KHDC1L: variants seen among roughly 807,000 people sequenced by gnomAD.
KHDC1L encodes the protein KHDC1-like protein.
A neutral mutation model predicts 11.2 loss-of-function variants in KHDC1L; 5 were observed. That is an observed-to-expected ratio of 0.45 (90% CI 0.23 to 0.94). KHDC1L has a LOEUF of 0.94. KHDC1L is among the 40% of genes least tolerant of loss of function. The pLI, the probability that KHDC1L is intolerant of heterozygous loss-of-function variation, is 0.22. For missense variants in KHDC1L, 168 were observed against 165.8 expected, an observed-to-expected ratio of 1.01 and a Z score of -0.07; for synonymous variants, 66 against 62.7, an observed-to-expected ratio of 1.05 and a Z score of -0.25.
At chr6:73,224,789 A>G (rs868669079) in intron 1 of KHDC1L, among the ~76,000 whole-genome samples, 1 of 145,536 alleles carries the variant, frequency 6.9e-6, no homozygotes, top group Non-Finnish European at 1.5e-5. Context: ...AAAAAAAAAA[A>G]AAAAACACGA....
rs1766349625 is a variant in KHDC1L, at chr6:73,225,440, A to T, written c.-32T>A. On this transcript the variant is annotated 5_prime_UTR_variant, in exon 1 of 3. Coordinates refer to ENST00000370388, the MANE Select transcript of KHDC1L (RefSeq NM_001126063.3). ...CTCCCACCTGATTCAGAATAGGGGA[A>T]AGTCTAACAAACTGGTTGGCAAAAG... 6.5e-7 allele frequency: 1 copy of T among 1,530,560 alleles called. No homozygotes were observed. The highest frequency in any genetic ancestry group is 1.7e-5 in the Admixed American group (1 of 59,254). 94.8% of individuals were successfully genotyped at this position (1,530,560 alleles called of 1,614,324 possible).
In KHDC1L at chr6:73,223,601, T is replaced by C. The variant is rs1750279957; in HGVS notation, c.*147A>G. ...GCTTTGCCAATAACACTTCTAACAC[T>C]CAGGAGACTTCCCTCAGACACATGC... On this transcript the variant is annotated 3_prime_UTR_variant, in exon 3 of 3. Coordinates refer to ENST00000370388, the MANE Select transcript of KHDC1L (RefSeq NM_001126063.3). The C allele has an allele frequency of 1.1e-5, 7 of 633,102 alleles. No homozygotes were observed. Among genetic ancestry groups the C allele is most frequent in the Non-Finnish European group, 2.0e-5 (7 of 356,080 alleles). The allele number at this position is 633,102 out of a possible 1,614,324, so 39.2% of individuals were successfully genotyped here.
rs111404541 is a variant in KHDC1L at position 73,224,336 on chromosome 6, G to C, written c.125C>G (p.Thr42Arg). 4.0e-4 allele frequency: 625 copies of C among 1,575,986 alleles called. 6 individuals carry two copies. The African/African-American group carries it at 7.4e-3, about 19-fold the overall frequency. Residue 42 changes from threonine (T) to arginine (R), a missense_variant, in exon 2 of 3, where the codon ACG (threonine) becomes AGG (arginine). Coordinates refer to ENST00000370388, the MANE Select transcript of KHDC1L (RefSeq NM_001126063.3). ...GTGCAGCTCAATGCAGCGAAGGTAC[G>C]TGTCATCAAGTCCTGTAAGCACAAG... ...QEELIFGLDDTYLRCIELHSH... is the reference protein window; with the variant it reads ...QEELIFGLDDRYLRCIELHSH...
chr6:73,223,778 G>T lies in KHDC1L; in HGVS notation c.357C>A (p.Ser119=). The change falls in exon 3 of 3, where the codon TCC becomes TCA. Residue 119 remains serine, a synonymous_variant. Coordinates refer to ENST00000370388, the MANE Select transcript of KHDC1L (RefSeq NM_001126063.3). The part of the protein sequence containing the change: ...QPLTNDDLVT[S]VSLPPYTGD ...CTCCGGTGTACGGTGGCAGGCTAAC[G>T]GAGGTGACCAGGTCATCATTGGTCA... 6.2e-7 allele frequency: 1 copy of T among 1,607,642 alleles called. No individual in the cohort carries two copies. The highest frequency in any genetic ancestry group is 1.1e-5 in the South Asian group (1 of 89,210).
rs1355679908 is a variant in KHDC1L at position 73,223,681 on chromosome 6, T to C, written c.*67A>G. On this transcript the variant is annotated 3_prime_UTR_variant, in exon 3 of 3. Coordinates refer to ENST00000370388, the MANE Select transcript of KHDC1L (RefSeq NM_001126063.3). ...CACAAATTCAAACTTTCTTCAGTGT[T>C]TTTCATGTCTTTCTCACCAAAAGCG... 2.9e-5 allele frequency: 39 copies of C among 1,354,488 alleles called. No individual in the cohort carries two copies. Among genetic ancestry groups the C allele is most frequent in the Middle Eastern group, 2.0e-4 (1 of 5,100 alleles). The allele number at this position is 1,354,488 out of a possible 1,614,324, so 83.9% of individuals were successfully genotyped here. A position where few individuals can be genotyped will look rare whatever the true frequency, so the allele number is the denominator to read the frequency against.
chr6:73,224,771 C>CAAAAAA (rs3044250), intron 1 of KHDC1L, among the ~76,000 whole-genome samples: 78 of 41,010 alleles, frequency 1.9e-3, no homozygotes, highest in Non-Finnish European at 2.6e-3. Context: ...GATTCCATAT[C>CAAAAAA]AAAAAAAAAA....
chr6:73,224,796 A>C, intron 1 of KHDC1L, among the ~76,000 whole-genome samples: 1 of 131,054 alleles, frequency 7.6e-6, no homozygotes. Flanking sequence ...AAAAAAAAAC[A>C]CGAGGCCGGG....
chr6:73,223,765 G>A lies in KHDC1L; in HGVS notation c.370C>T (p.Pro124Ser). The A allele has an allele frequency of 6.2e-7, 1 of 1,607,346 alleles. No individual in the cohort carries two copies. The change falls in exon 3 of 3, where the codon CCG becomes TCG. Residue 124 changes from proline (P) to serine (S), a missense_variant. Pro to Ser is a moderately conservative substitution (Grantham distance 74). Coordinates refer to ENST00000370388, the MANE Select transcript of KHDC1L (RefSeq NM_001126063.3). ...DDLVTSVSLP[P>S]YTGD ...AGGGGAGATCAGTCTCCGGTGTACG[G>A]TGGCAGGCTAACGGAGGTGACCAGG...
At chr6:73,224,996 T>C (rs1331119100) in intron 1 of KHDC1L, among the ~76,000 whole-genome samples, 1 of 145,616 alleles carries the variant, frequency 6.9e-6, no homozygotes, top group African/African-American at 2.6e-5. Context: ...GGTGAGAGAA[T>C]GGCGTGAACC....
Position 73,223,822 on chromosome 6 carries a change from G to A in KHDC1L, c.313C>T (p.Arg105Cys), listed in dbSNP as rs758616417. The A allele has an allele frequency of 1.6e-5, 26 of 1,600,562 alleles. No homozygotes were observed. In the South Asian group the frequency reaches 1.7e-4, roughly 10 times the overall value. ...CHARGLKMLE[R>C]VRSQPLTNDD... ...TTGGTCAGGGGCTGGCTTCGGACAC[G>A]CTCTAGCATCTTCAGACCTGCAAAA... is the stretch of plus-strand genomic sequence containing the variant. The change falls in exon 3 of 3, where the codon CGT (arginine) becomes TGT (cysteine). Residue 105 changes from arginine (R) to cysteine (C), a missense_variant. Coordinates refer to ENST00000370388, the MANE Select transcript of KHDC1L (RefSeq NM_001126063.3).
In KHDC1L at chr6:73,223,648, G is replaced by C; in HGVS notation, c.*100C>G. ...ATGCCTAGAAGGCCTGAGAGGGGCA[G>C]GTCTGGCCACAAATTCAAACTTTCT... On this transcript the variant is annotated 3_prime_UTR_variant, in exon 3 of 3. Transcript: ENST00000370388. 1.8e-5 allele frequency: 17 copies of C among 962,896 alleles called. 1 individual carries two copies. In the South Asian group the frequency reaches 2.6e-4, roughly 15 times the overall value. 59.6% of individuals were successfully genotyped at this position (962,896 alleles called of 1,614,324 possible). A position where few individuals can be genotyped will look rare whatever the true frequency, so the allele number is the denominator to read the frequency against.
chr6:73,224,330 A>T lies in KHDC1L; in HGVS notation c.131T>A (p.Leu44His). ...ELIFGLDDTY[L>H]RCIELHSHTL... ...GTGGCTGTGCAGCTCAATGCAGCGA[A>T]GGTACGTGTCATCAAGTCCTGTAAG... Residue 44 changes from leucine to histidine, a missense_variant, in exon 2 of 3, where the codon CTT becomes CAT. Transcript: ENST00000370388. 1 of 1,584,190 alleles carries T rather than the reference A, an allele frequency of 6.3e-7. No individual in the cohort carries two copies. The highest frequency in any genetic ancestry group is 8.6e-7 in the Non-Finnish European group (1 of 1,163,864).
chr6:73,224,605 T>C (rs1652812131), intron 1 of KHDC1L, among the ~76,000 whole-genome samples: 1 of 151,608 alleles, frequency 6.6e-6, no homozygotes, highest in South Asian at 2.1e-4. Flanking sequence ...TGAAACCCCG[T>C]CTCTACTAAA....
At chr6:73,225,254 T>TA in intron 1 of KHDC1L, 43 bp downstream of exon 1, 1 of 1,562,286 alleles carries the variant, frequency 6.4e-7, no homozygotes, top group South Asian at 1.2e-5. Flanking sequence ...AAAATAAAAA[T>TA]AAAAAACAGA....
chr6:73,223,827 A>G lies in KHDC1L; in HGVS notation c.308T>C (p.Leu103Pro), dbSNP rs1358706757. The G allele has an allele frequency of 6.3e-7, 1 of 1,596,404 alleles. No homozygotes were observed. Among genetic ancestry groups the G allele is most frequent in the Admixed American group, 1.8e-5 (1 of 57,128 alleles). Residue 103 changes from leucine to proline, a missense_variant, in exon 3 of 3, where the codon CTA becomes CCA. Leu to Pro is a moderately conservative substitution (Grantham distance 98, BLOSUM62 -3). Coordinates refer to ENST00000370388, the MANE Select transcript of KHDC1L (RefSeq NM_001126063.3). ...CAGGGGCTGGCTTCGGACACGCTCTAGCATCTTCAGACCTGCAAAAGAATT... is the reference window on the plus strand; with the variant it reads ...CAGGGGCTGGCTTCGGACACGCTCTGGCATCTTCAGACCTGCAAAAGAATT... ...SKCHARGLKM[L>P]ERVRSQPLTN...
rs774983372 is a variant in KHDC1L, at chr6:73,225,277, C to A, written c.112+20G>T. 6.9e-5 allele frequency: 111 copies of A among 1,606,942 alleles called. 1 individual carries two copies. In the East Asian group the frequency reaches 2.4e-3, roughly 35 times the overall value. ...AATAAAAAACAGATGAAGGAGGGGA[C>A]GTGGGCAAAGGCCACTCACCGAAGA... On this transcript the variant is annotated intron_variant, in intron 1 of 2. Transcript: ENST00000370388.
intron 1 of KHDC1L, 32 bp downstream of exon 1, chr6:73,225,265 T>C (rs368862849): frequency 1.6e-4 from 253 of 1,588,264 alleles, no homozygotes; most frequent in Non-Finnish European, 2.1e-4. Context: ...AAAAAACAGA[T>C]GAAGGAGGGG....
At chr6:73,224,642 G>C (rs772357597) in intron 1 of KHDC1L, among the ~76,000 whole-genome samples, 4 of 151,814 alleles carry the variant, frequency 2.6e-5, no homozygotes, top group African/African-American at 7.3e-5. Flanking sequence ...CGGGCGTGGT[G>C]GCAGGCGCCT....
chr6:73,224,338 G>A lies in KHDC1L; in HGVS notation c.123C>T (p.Asp41=), dbSNP rs919336987. ...GCAGCTCAATGCAGCGAAGGTACGT[G>A]TCATCAAGTCCTGTAAGCACAAGAA... ...DQEELIFGLD[D]TYLRCIELHS... Residue 41 remains aspartate (D), a synonymous_variant, in exon 2 of 3, where the codon GAC becomes GAT. Transcript: ENST00000370388. The A allele has an allele frequency of 1.7e-5, 26 of 1,574,958 alleles. No homozygotes were observed. The highest frequency in any genetic ancestry group is 2.2e-5 in the Non-Finnish European group (25 of 1,158,714).
Sources: gnomAD v4.1 joint callset for allele counts (sites outside exome capture counted in the v4.1 genomes callset) on GRCh38, gnomAD v4.1.1 for gene constraint, MANE v1.5 for transcripts, NCBI Gene and HGNC (gene_info 2026-07-23, HGNC 2026-07-21) for gene names.